TSPAN15: variants seen among roughly 807,000 people sequenced by gnomAD.
TSPAN15 encodes the protein tetraspanin-15.
In TSPAN15, 20 loss-of-function variants were observed where a neutral mutation model predicts 34.5. The ratio of observed to expected loss-of-function variants is 0.58; its 90% CI spans 0.41 to 0.84. The LOEUF (loss-of-function observed/expected upper bound fraction) is 0.84. TSPAN15 is among the 40% of genes least tolerant of loss of function. The pLI is 0.00. For synonymous variants in TSPAN15, 155 were observed against 153.9 expected (o/e 1.01, Z -0.05); for missense variants, 313 against 386.1 (o/e 0.81, Z 1.59).
chr10:69,482,096 G>C (rs924847934), intron 1 of TSPAN15, among the ~76,000 whole-genome samples: 6 of 151,068 alleles, frequency 4.0e-5, no homozygotes, highest in Non-Finnish European at 7.4e-5. Flanking sequence ...ACCAGAAATA[G>C]TGTAGTATGT....
At chr10:69,459,170 T>C (rs10762297) in intron 1 of TSPAN15, among the ~76,000 whole-genome samples, 59,815 of 147,600 alleles carry the variant, frequency 0.41, 12,478 homozygotes, top group Non-Finnish European at 0.46. Flanking sequence ...TAGATGTGAA[T>C]GGGTTTGAAT....
chr10:69,521,127 G>A, the TSPAN15 span, among the ~76,000 whole-genome samples: 10 of 152,172 alleles, frequency 6.6e-5, no homozygotes, highest in Non-Finnish European at 1.3e-4. Flanking sequence ...GAAGAGATTA[G>A]CATTTGAATC....
intron 1 of TSPAN15, among the ~76,000 whole-genome samples, chr10:69,473,547 T>G (rs1169829761): frequency 6.6e-6 from 1 of 152,146 alleles, no homozygotes; most frequent in Non-Finnish European, 1.5e-5. Context: ...GCCCACAGTC[T>G]GCTGATGTGC....
chr10:69,502,121 C>T (rs1236496845), intron 5 of TSPAN15, among the ~76,000 whole-genome samples: 5 of 151,326 alleles, frequency 3.3e-5, no homozygotes, highest in Admixed American at 2.0e-4. Flanking sequence ...TACTGTTCAG[C>T]AGAACATACC....
intron 5 of TSPAN15, 123 bp from the exon 6 acceptor site, chr10:69,504,315 C>A: frequency 1.2e-6 from 1 of 833,868 alleles, no homozygotes; most frequent in Non-Finnish European, 1.9e-6. Context: ...GGAATCTCAG[C>A]TCCATCCCTG....
At chr10:69,500,011 G>A (rs528871755) in intron 5 of TSPAN15, among the ~76,000 whole-genome samples, 37 of 152,290 alleles carry the variant, frequency 2.4e-4, no homozygotes, top group African/African-American at 8.7e-4. Context: ...ATACAGGGCT[G>A]CATGGAAGAG....
the TSPAN15 span, among the ~76,000 whole-genome samples, chr10:69,545,535 G>A: frequency 6.6e-6 from 1 of 152,200 alleles, no homozygotes; most frequent in African/African-American, 2.4e-5. Context: ...GAAGCTTAAA[G>A]AAGGTGAAGC....
intron 1 of TSPAN15, among the ~76,000 whole-genome samples, chr10:69,461,981 C>T (rs1433345606): frequency 4.7e-5 from 7 of 148,132 alleles, no homozygotes; most frequent in South Asian, 2.2e-4. Flanking sequence ...CCCAGGCACC[C>T]GTAATTAAAA....
the TSPAN15 span, among the ~76,000 whole-genome samples, chr10:69,525,558 C>T: frequency 1.6e-4 from 24 of 146,752 alleles, 2 homozygotes; most frequent in African/African-American, 4.9e-4. Context: ...CAGTGGCTCA[C>T]GCCTGTAATC....
chr10:69,508,679 A>G (rs1287753910), downstream of TSPAN15, among the ~76,000 whole-genome samples: 1 of 152,148 alleles, frequency 6.6e-6, no homozygotes, highest in Admixed American at 6.5e-5. Flanking sequence ...CAGGAACGAT[A>G]TTAACTCCTT....
intron 1 of TSPAN15, among the ~76,000 whole-genome samples, chr10:69,458,094 C>A (rs1454650032): frequency 1.3e-5 from 2 of 152,202 alleles, no homozygotes; most frequent in African/African-American, 2.4e-5. Context: ...CCAGTTTCTT[C>A]CTCGGGCCCC....
chr10:69,474,165 C>A (rs796405925), intron 1 of TSPAN15, among the ~76,000 whole-genome samples: 15 of 151,916 alleles, frequency 9.9e-5, no homozygotes, highest in African/African-American at 3.4e-4. Context: ...CCTCCTCCCC[C>A]CACCTGCTCT....
intron 4 of TSPAN15, among the ~76,000 whole-genome samples, chr10:69,496,832 C>T (rs1159030220): frequency 6.6e-6 from 1 of 152,220 alleles, no homozygotes; most frequent in Admixed American, 6.5e-5. Context: ...TGCCTGCCAG[C>T]TTGGGCTGGG....
chr10:69,516,386 C>T, the TSPAN15 span, among the ~76,000 whole-genome samples: 13 of 152,350 alleles, frequency 8.5e-5, no homozygotes, highest in Admixed American at 7.8e-4. Context: ...CTCCTTCCCC[C>T]ACCAATAGGA....
At chr10:69,474,932 G>A (rs1056886563) in intron 1 of TSPAN15, among the ~76,000 whole-genome samples, 1 of 152,192 alleles carries the variant, frequency 6.6e-6, no homozygotes, top group Non-Finnish European at 1.5e-5. Flanking sequence ...TGGCTACTGA[G>A]TCAGCGGGGT....
chr10:69,482,323 G>A (rs1390379513), intron 1 of TSPAN15, among the ~76,000 whole-genome samples: 2 of 152,228 alleles, frequency 1.3e-5, no homozygotes, highest in African/African-American at 4.8e-5. Flanking sequence ...AAAGGCCCTG[G>A]GGTGAGCACA....
chr10:69,548,611 G>A, the TSPAN15 span, among the ~76,000 whole-genome samples: 1 of 152,180 alleles, frequency 6.6e-6, no homozygotes, highest in Non-Finnish European at 1.5e-5. Flanking sequence ...TGGTGGTCTT[G>A]CTGAGTTGAG....
the TSPAN15 span, among the ~76,000 whole-genome samples, chr10:69,513,419 G>A: frequency 2.6e-5 from 4 of 152,106 alleles, no homozygotes; most frequent in African/African-American, 9.6e-5. Flanking sequence ...CCATTGCCCC[G>A]GCTGCCCTTG....
intron 5 of TSPAN15, among the ~76,000 whole-genome samples, chr10:69,499,804 G>A (rs1044843576): frequency 6.6e-6 from 1 of 152,180 alleles, no homozygotes; most frequent in Non-Finnish European, 1.5e-5. Context: ...GAAGGTGTCT[G>A]GGGGAGGGGC....
Sources: allele counts gnomAD v4.1 joint callset (sites outside exome capture counted in the v4.1 genomes callset), GRCh38; gene constraint gnomAD v4.1.1; transcripts MANE v1.5; gene names NCBI Gene and HGNC (gene_info 2026-07-23, HGNC 2026-07-21).